The following DRAM1 variants were observed in gnomAD, a reference collection of about 807,000 sequenced individuals.
DRAM1 encodes DNA damage regulated autophagy modulator 1, also known as DNA damage-regulated autophagy modulator protein 1.
In DRAM1, 25 loss-of-function variants were observed where a neutral mutation model predicts 28.5. The ratio of observed to expected loss-of-function variants is 0.88; its 90% CI spans 0.64 to 1.23. The LOEUF is 1.23. Among genes scored for constraint, DRAM1 ranks in the 50% most tolerant of loss-of-function variants. DRAM1 has a pLI of 0.00. For missense variants in DRAM1, 249 were observed against 299.2 expected (o/e 0.83, Z 1.24); for synonymous variants, 113 against 114.2 (o/e 0.99, Z 0.07).
chr12:101,878,246 G>T (rs1000439708), intron 1 of DRAM1, among the ~76,000 whole-genome samples: 1 of 152,160 alleles, frequency 6.6e-6, no homozygotes, highest in Non-Finnish European at 1.5e-5. Context: ...GATGGGTTCT[G>T]ATAGATGACA....
chr12:101,893,902 C>T (rs1437919936), intron 1 of DRAM1, among the ~76,000 whole-genome samples: 1 of 149,906 alleles, frequency 6.7e-6, no homozygotes, highest in Non-Finnish European at 1.5e-5. Context: ...CTGAGCTTCC[C>T]TTCACCTGTA....
chr12:101,917,694 CAA>C lies in DRAM1; in HGVS notation c.580-2400_580-2399del, dbSNP rs34726299. On this transcript the variant is annotated intron_variant, in intron 5 of 6. Coordinates refer to ENST00000258534, the MANE Select transcript of DRAM1 (RefSeq NM_018370.3). ...GTGCAACAAGAGTGAGACTCCATCT[CAA>C]AAAAAAAAAAAAAAGCCTTCTTTAA... Among the ~76,000 whole-genome samples, 304 of 107,702 alleles carry C rather than the reference CAA, an allele frequency of 2.8e-3. 1 individual carries two copies. Among genetic ancestry groups the C allele is most frequent in the Admixed American group, 5.8e-3 (59 of 10,100 alleles). The allele number at this position is 107,702 out of a possible 152,430, so 70.7% of individuals were successfully genotyped here.
intron 1 of DRAM1, among the ~76,000 whole-genome samples, chr12:101,881,261 C>A (rs1312142730): frequency 1.3e-5 from 2 of 152,164 alleles, no homozygotes; most frequent in African/African-American, 4.8e-5. Context: ...GTCTGGGTGA[C>A]TGAGTGAGAC....
chr12:101,883,933 CA>C (rs1278466703), intron 1 of DRAM1, among the ~76,000 whole-genome samples: 152 of 114,916 alleles, frequency 1.3e-3, no homozygotes, highest in Non-Finnish European at 1.8e-3. Flanking sequence ...GACTCTTTCT[CA>C]AAAAAAAAAA....
At chr12:101,913,491 AGGTC>A (rs1269776452) in intron 4 of DRAM1, among the ~76,000 whole-genome samples, 19 of 152,128 alleles carry the variant, frequency 1.2e-4, no homozygotes, top group African/African-American at 4.6e-4. Flanking sequence ...AGATCACCTG[AGGTC>A]AGGAGTTCAA....
chr12:101,914,264 C>CA, intron 5 of DRAM1, 32 bp downstream of exon 5: 1 of 1,572,314 alleles, frequency 6.4e-7, no homozygotes. Flanking sequence ...ATGTGGTTGT[C>CA]GGACGTGGTT....
intron 4 of DRAM1, among the ~76,000 whole-genome samples, chr12:101,910,178 T>C (rs1873985531): frequency 6.6e-6 from 1 of 152,160 alleles, no homozygotes; most frequent in South Asian, 2.1e-4. Context: ...TACCGAGAAA[T>C]TTACCAACAA....
At chr12:101,902,977 G>GTGGCGCGATCTCGGTTCAC (rs1873660631) in intron 3 of DRAM1, among the ~76,000 whole-genome samples, 1 of 151,560 alleles carries the variant, frequency 6.6e-6, no homozygotes, top group African/African-American at 2.4e-5. Context: ...CTAGAGTGTA[G>GTGGCGCGATCTCGGTTCAC]TGGCGCGATC....
intron 3 of DRAM1, 57 bp from the exon 4 acceptor site, chr12:101,908,129 C>T (rs1566128968): frequency 6.9e-6 from 10 of 1,458,512 alleles, no homozygotes; most frequent in South Asian, 2.7e-5. Context: ...AGAGTGCTTG[C>T]GGTTCGATGT....
At chr12:101,892,807 C>A (rs12299535) in intron 1 of DRAM1, among the ~76,000 whole-genome samples, 3,108 of 152,218 alleles carry the variant, frequency 0.02, 43 homozygotes, top group African/African-American at 0.029. Flanking sequence ...TAATTGTTAT[C>A]TGATAGATTT....
At chr12:101,903,821 A>C (rs974135454) in intron 3 of DRAM1, among the ~76,000 whole-genome samples, 1 of 151,780 alleles carries the variant, frequency 6.6e-6, no homozygotes, top group Non-Finnish European at 1.5e-5. Context: ...CCCAGCACTT[A>C]GGGAAGCCAA....
intron 1 of DRAM1, among the ~76,000 whole-genome samples, chr12:101,895,872 A>C (rs1017396033): frequency 6.6e-5 from 10 of 151,448 alleles, no homozygotes; most frequent in African/African-American, 2.4e-4. Flanking sequence ...GCCTGGTCGT[A>C]AGGGAGGCTA....
At position 101,901,289 on chromosome 12, in the gene DRAM1, A is replaced by G; in HGVS notation, c.200-2A>G. On this transcript the variant is annotated splice_acceptor_variant, in intron 2 of 6. Coordinates refer to ENST00000258534, the MANE Select transcript of DRAM1 (RefSeq NM_018370.3). LOFTEE classifies it high-confidence loss of function. ...ATTCATCAAAGTTCTCTTCTTTTTCAGGTGCAGCCACGATGTATACAAGAT... is the reference window on the plus strand; with the variant it reads ...ATTCATCAAAGTTCTCTTCTTTTTCGGGTGCAGCCACGATGTATACAAGAT... 1 of 1,606,686 alleles carries G rather than the reference A, an allele frequency of 6.2e-7. No homozygotes were observed. Among genetic ancestry groups the G allele is most frequent in the Non-Finnish European group, 8.5e-7 (1 of 1,177,680 alleles).
At chr12:101,901,200 A>C (rs1292089951) in intron 2 of DRAM1, 91 bp from the exon 3 acceptor site, 7 of 1,445,058 alleles carry the variant, frequency 4.8e-6, no homozygotes, top group Non-Finnish European at 6.5e-6. Flanking sequence ...TGCAATCAGT[A>C]CATTTTTAAA....
chr12:101,892,408 T>A (rs886283976), intron 1 of DRAM1, among the ~76,000 whole-genome samples: 6 of 68,360 alleles, frequency 8.8e-5, no homozygotes, highest in African/African-American at 2.4e-4. Context: ...GCTAATTTTT[T>A]TTTTTTTTTT....
chr12:101,880,039 TTTTG>T (rs556517963), intron 1 of DRAM1, among the ~76,000 whole-genome samples: 4 of 151,606 alleles, frequency 2.6e-5, no homozygotes, highest in Non-Finnish European at 2.9e-5. Context: ...GTGCTGCTTC[TTTTG>T]TTTGTTTGTT....
chr12:101,904,965 GCTCACTGTAACCTTGAACGCTTAGA>G (rs1873749150), intron 3 of DRAM1, among the ~76,000 whole-genome samples: 1 of 152,150 alleles, frequency 6.6e-6, no homozygotes, highest in South Asian at 2.1e-4. Flanking sequence ...CACAATCATA[GCTCACTGTAACCTTGAACGCTTAGA>G]CTAAGCCTTG....
chr12:101,903,504 A>G (rs1006621943), intron 3 of DRAM1, among the ~76,000 whole-genome samples: 5 of 152,170 alleles, frequency 3.3e-5, no homozygotes, highest in South Asian at 4.1e-4. Context: ...AGAGAGTAGA[A>G]TGGTGTTACA....
At chr12:101,886,534 G>A (rs1004329930) in intron 1 of DRAM1, among the ~76,000 whole-genome samples, 1 of 152,168 alleles carries the variant, frequency 6.6e-6, no homozygotes, top group African/African-American at 2.4e-5. Flanking sequence ...CGCTTTATAT[G>A]TGAATGTAAT....
Sources: gnomAD v4.1 joint callset for allele counts (sites outside exome capture counted in the v4.1 genomes callset) on GRCh38, gnomAD v4.1.1 for gene constraint, MANE v1.5 for transcripts, NCBI Gene and HGNC (gene_info 2026-07-23, HGNC 2026-07-21) for gene names.